Variants in CSMD1 observed in about 807,000 individuals in gnomAD.
CSMD1 encodes CUB and sushi domain-containing protein 1.
CSMD1 carries 213 observed loss-of-function variants against 417.5 expected under a neutral mutation model. The ratio of observed to expected loss-of-function variants is 0.51; its 90% CI spans 0.46 to 0.57. CSMD1 has a LOEUF of 0.57. CSMD1 is among the 20% of genes least tolerant of loss of function. The probability of loss-of-function intolerance (pLI) is 0.00; values close to 1 mark genes in which losing one functional copy is unlikely to be tolerated. For missense variants in CSMD1, 6,923 were observed against 4,529.7 expected, an observed-to-expected ratio of 1.53 and a Z score of -15.17; for synonymous variants, 2,862 against 1,736.8, an observed-to-expected ratio of 1.65 and a Z score of -16.11.
intron 51 of CSMD1, among the ~76,000 whole-genome samples, chr8:3,022,270 CATCCAG>C (rs199565297): frequency 2.0e-4 from 24 of 117,460 alleles, no homozygotes; most frequent in Admixed American, 5.4e-4. Flanking sequence ...CGCAATCCCA[CATCCAG>C]AGCATCCGGA....
At chr8:4,572,449 C>G (rs1042305992) in intron 2 of CSMD1, among the ~76,000 whole-genome samples, 1 of 152,212 alleles carries the variant, frequency 6.6e-6, no homozygotes, top group Non-Finnish European at 1.5e-5. Flanking sequence ...TTGGCCCCCA[C>G]TCTCTTCTGG....
At chr8:3,935,566 AC>A (rs1169787346) in intron 5 of CSMD1, among the ~76,000 whole-genome samples, 3 of 152,128 alleles carry the variant, frequency 2.0e-5, no homozygotes, top group African/African-American at 7.2e-5. Context: ...ATATGATTGT[AC>A]TTGCTATGGT....
At chr8:4,244,177 T>C (rs940626320) in intron 3 of CSMD1, among the ~76,000 whole-genome samples, 3 of 152,298 alleles carry the variant, frequency 2.0e-5, no homozygotes, top group African/African-American at 4.8e-5. Context: ...AAGTTTCTGG[T>C]AGAACCGTTT....
chr8:3,318,739 C>G (rs779048989), intron 23 of CSMD1, among the ~76,000 whole-genome samples: 116 of 152,190 alleles, frequency 7.6e-4, no homozygotes, highest in Non-Finnish European at 1.3e-3. Flanking sequence ...GCTGGAGTGT[C>G]ACGGTTCCTT....
chr8:4,718,670 T>C (rs1808846670), intron 1 of CSMD1, among the ~76,000 whole-genome samples: 1 of 152,066 alleles, frequency 6.6e-6, no homozygotes, highest in Non-Finnish European at 1.5e-5. Flanking sequence ...AAATCTATTT[T>C]AAACTAAGAA....
chr8:4,917,570 G>C (rs1277153909), intron 1 of CSMD1, among the ~76,000 whole-genome samples: 2 of 152,314 alleles, frequency 1.3e-5, no homozygotes, highest in Admixed American at 6.5e-5. Context: ...GGAAGCGGAG[G>C]TTGCAGTGAG....
Position 3,406,461 on chromosome 8 carries a change from G to C in CSMD1, c.2072-240C>G, listed in dbSNP as rs185419022. 1.2e-3 allele frequency among the ~76,000 whole-genome samples: 183 copies of C among 152,262 alleles called. 1 individual carries two copies. Among genetic ancestry groups the C allele is most frequent in the Non-Finnish European group, 2.1e-3 (145 of 68,008 alleles). ...ACTATCATTTATGCAGCAATTTAGG[G>C]TTTGAAAAGCACTTTTCATAGGAGC... On this transcript the variant is annotated intron_variant, in intron 14 of 69. Transcript: ENST00000635120.
intron 9 of CSMD1, among the ~76,000 whole-genome samples, chr8:3,581,930 G>C (rs1259381252): frequency 1.3e-5 from 2 of 151,980 alleles, no homozygotes; most frequent in Non-Finnish European, 2.9e-5. Context: ...TCAGCCTCCC[G>C]AGTAGCTGGG....
intron 36 of CSMD1, among the ~76,000 whole-genome samples, chr8:3,186,658 G>A (rs1416639890): frequency 2.0e-5 from 3 of 152,046 alleles, no homozygotes; most frequent in African/African-American, 7.2e-5. Context: ...GAAATATTTA[G>A]GGAAAAAATA....
rs182401144 is a variant in CSMD1, at chr8:4,276,525, G to C, written c.415+143428C>G. ...GTTAGTGGGTGCAGCAAACCACCATGGCACATGTTTAACTACGTAACAAAC... is the reference window on the plus strand; with the variant it reads ...GTTAGTGGGTGCAGCAAACCACCATCGCACATGTTTAACTACGTAACAAAC... On this transcript the variant is annotated intron_variant, in intron 3 of 69. Transcript: ENST00000635120. Among the ~76,000 whole-genome samples the C allele has an allele frequency of 6.6e-5, 10 of 152,190 alleles. 1 individual carries two copies. Among genetic ancestry groups the C allele is most frequent in the African/African-American group, 2.4e-4 (10 of 41,532 alleles).
At chr8:4,267,695 T>C (rs142484604) in intron 3 of CSMD1, among the ~76,000 whole-genome samples, 1 of 152,108 alleles carries the variant, frequency 6.6e-6, no homozygotes, top group African/African-American at 2.4e-5. Context: ...CTTAGTGTCT[T>C]ACATGACTTT....
chr8:3,743,873 T>TA (rs750528387), intron 6 of CSMD1, among the ~76,000 whole-genome samples: 4 of 152,210 alleles, frequency 2.6e-5, no homozygotes, highest in Non-Finnish European at 2.9e-5. Context: ...TTATCGTATG[T>TA]AAAATCCAGA....
intron 2 of CSMD1, among the ~76,000 whole-genome samples, chr8:4,496,754 C>T (rs1801999378): frequency 6.6e-6 from 1 of 152,072 alleles, no homozygotes; most frequent in Non-Finnish European, 1.5e-5. Context: ...TGGAACAAAG[C>T]TGGGAGTAAT....
At chr8:3,629,399 T>G (rs976050814) in intron 7 of CSMD1, among the ~76,000 whole-genome samples, 1 of 152,194 alleles carries the variant, frequency 6.6e-6, no homozygotes, top group East Asian at 1.9e-4. Flanking sequence ...TAGTTATTGT[T>G]GGAAATTTTA....
intron 3 of CSMD1, among the ~76,000 whole-genome samples, chr8:4,198,096 G>C (rs6992181): frequency 0.11 from 16,248 of 152,266 alleles, 1,201 homozygotes; most frequent in African/African-American, 0.19. Context: ...CTGGGAGTCT[G>C]AGTTAAGGTA....
chr8:3,217,731 A>C (rs1204355459), intron 29 of CSMD1, among the ~76,000 whole-genome samples: 1 of 152,202 alleles, frequency 6.6e-6, no homozygotes, highest in Non-Finnish European at 1.5e-5. Context: ...AAAATTGTAC[A>C]TTTTAGTAAA....
At chr8:3,161,900 A>G (rs966732322) in intron 38 of CSMD1, among the ~76,000 whole-genome samples, 3 of 152,210 alleles carry the variant, frequency 2.0e-5, no homozygotes, top group South Asian at 4.1e-4. Flanking sequence ...TGCTCTGTGC[A>G]TAGTTATTGG....
At chr8:3,170,592 C>T (rs1297304986) in intron 37 of CSMD1, among the ~76,000 whole-genome samples, 3 of 152,194 alleles carry the variant, frequency 2.0e-5, no homozygotes, top group African/African-American at 7.2e-5. Context: ...CTTTTGTTTA[C>T]AGCTCTCTCA....
At chr8:3,869,047 G>A (rs1289286780) in intron 5 of CSMD1, among the ~76,000 whole-genome samples, 1 of 152,170 alleles carries the variant, frequency 6.6e-6, no homozygotes, top group African/African-American at 2.4e-5. Flanking sequence ...GTGCCCTCAG[G>A]GTCCCTTCGT....
Sources: allele counts gnomAD v4.1 joint callset (sites outside exome capture counted in the v4.1 genomes callset), GRCh38; gene constraint gnomAD v4.1.1; transcripts MANE v1.5; gene names NCBI Gene and HGNC (gene_info 2026-07-23, HGNC 2026-07-21).